Variants in RYR1 observed in about 807,000 individuals in gnomAD.
RYR1 encodes ryanodine receptor 1.
A neutral mutation model predicts 583.5 loss-of-function variants in RYR1; 342 were observed. The ratio of observed to expected loss-of-function variants is 0.59; its 90% CI spans 0.54 to 0.64. The LOEUF (loss-of-function observed/expected upper bound fraction) is 0.64. Ranked by LOEUF, RYR1 falls within the 30% of genes least tolerant of loss-of-function variation. The pLI, the probability that RYR1 is intolerant of heterozygous loss-of-function variation, is 0.00. For missense variants in RYR1, 6,032 were observed against 6,917.2 expected, an observed-to-expected ratio of 0.87 and a Z score of 4.54; for synonymous variants, 2,791 against 2,822.5, an observed-to-expected ratio of 0.99 and a Z score of 0.35.
At position 38,565,734 on chromosome 19, in the gene RYR1, C is replaced by T; in HGVS notation, c.13400C>T (p.Thr4467Ile). The T allele has an allele frequency of 1.4e-6, 2 of 1,428,054 alleles. No homozygotes were observed. The highest frequency in any genetic ancestry group is 3.0e-5 in the Admixed American group (1 of 33,614). 88.5% of individuals were successfully genotyped at this position (1,428,054 alleles called of 1,614,324 possible). Residue 4467 changes from threonine (T) to isoleucine (I), a missense_variant, in exon 91 of 106, where the codon ACA (threonine) becomes ATA (isoleucine). Physicochemically the swap from Thr to Ile is moderately conservative, Grantham distance 89. Transcript: ENST00000359596. The surrounding 1 kb of genome is among the most constrained non-coding windows in gnomAD (Gnocchi z 4.7). Reference protein sequence around the residue: ...MGDTTPAEPPTPEGSPILKRK... With the variant: ...MGDTTPAEPPIPEGSPILKRK... ...GACACGACGCCTGCGGAACCGCCCA[C>T]ACCCGAGGGCTCTCCCATCCTCAAG...
rs776037473 is a variant in RYR1 at position 38,502,609 on chromosome 19, G to C, written c.7717G>C (p.Glu2573Gln). ...TKCAPLFAGTEHRAIMVDSML... is the reference protein window; with the variant it reads ...TKCAPLFAGTQHRAIMVDSML... The stretch of plus-strand genomic sequence containing the variant: ...GTGTGCGCCGCTCTTTGCGGGCACA[G>C]AACACCGCGCCATCATGGTGGACTC... Residue 2573 changes from glutamate to glutamine, a missense_variant, in exon 48 of 106, where the codon GAA (glutamate) becomes CAA (glutamine). Transcript: ENST00000359596. The C allele has an allele frequency of 6.2e-7, 1 of 1,612,976 alleles. No individual in the cohort carries two copies. Among genetic ancestry groups the C allele is most frequent in the Non-Finnish European group, 8.5e-7 (1 of 1,179,924 alleles).
chr19:38,528,161 T>C (rs1971561014), intron 73 of RYR1, 145 bp from the exon 74 acceptor site: 2 of 743,198 alleles, frequency 2.7e-6, no homozygotes. Flanking sequence ...GGACCCTGAC[T>C]CTGTTGGTGG....
At chr19:38,503,512 C>A (rs1257080964) in intron 49 of RYR1, among the ~76,000 whole-genome samples, 1 of 152,180 alleles carries the variant, frequency 6.6e-6, no homozygotes, top group Non-Finnish European at 1.5e-5. Context: ...GTGGCTCACG[C>A]CTGTAATCCC....
intron 76 of RYR1, 115 bp downstream of exon 76, chr19:38,529,172 C>G: frequency 1.0e-6 from 1 of 998,384 alleles, no homozygotes; most frequent in African/African-American, 1.6e-5. Flanking sequence ...GAGCCCAAGA[C>G]AGACGGATCT....
At chr19:38,489,881 C>T (rs1202475580) in intron 35 of RYR1, among the ~76,000 whole-genome samples, 195 bp from the exon 36 acceptor site, 6 of 152,166 alleles carry the variant, frequency 3.9e-5, no homozygotes, top group African/African-American at 7.2e-5. Context: ...CCACCCACCT[C>T]GGCCTCCCAA....
intron 31 of RYR1, among the ~76,000 whole-genome samples, chr19:38,479,790 A>G (rs1391423683): frequency 1.3e-5 from 2 of 151,900 alleles, no homozygotes; most frequent in African/African-American, 2.4e-5. Context: ...ATCACAGCTC[A>G]CTGCAGCCAC....
intron 58 of RYR1, among the ~76,000 whole-genome samples, chr19:38,509,447 ATTATTTTT>A (rs1424771928): frequency 8.3e-6 from 1 of 120,968 alleles, no homozygotes; most frequent in Admixed American, 8.4e-5. Context: ...TATTATTATT[ATTATTTTT>A]TTTTTTTTTT....
Position 38,473,391 on chromosome 19 carries a change from C to T in RYR1, c.3780C>T (p.Asp1260=), listed in dbSNP as rs746617954. ...EHPHYEVSRV[D]GTVDTPPCLR... ...TGCCACCTCAGGTATCCCGAGTGGA[C>T]GGCACTGTGGACACGCCCCCCTGCC... The change falls in exon 28 of 106, where the codon GAC becomes GAT. Residue 1260 remains aspartate (D), a synonymous_variant. Transcript: ENST00000359596. 6.2e-6 allele frequency: 10 copies of T among 1,613,788 alleles called. No homozygotes were observed. Among genetic ancestry groups the T allele is most frequent in the East Asian group, 2.2e-5 (1 of 44,870 alleles).
At chr19:38,520,693 C>CAAAAAAAAAAAAAA (rs71165555) in intron 67 of RYR1, among the ~76,000 whole-genome samples, 18 of 46,898 alleles carry the variant, frequency 3.8e-4, no homozygotes, top group African/African-American at 7.7e-4. Flanking sequence ...GGCTCCACCT[C>CAAAAAAAAAAAAAA]AAAAAAAAAA....
intron 64 of RYR1, among the ~76,000 whole-genome samples, 189 bp from the exon 65 acceptor site, chr19:38,515,898 G>T (rs1970945285): frequency 6.6e-6 from 1 of 152,176 alleles, no homozygotes; most frequent in Non-Finnish European, 1.5e-5. Flanking sequence ...CCAAGATCAG[G>T]CCACTGCACT....
At chr19:38,508,861 A>G (rs1042173396) in intron 58 of RYR1, among the ~76,000 whole-genome samples, 1 of 152,144 alleles carries the variant, frequency 6.6e-6, no homozygotes, top group Admixed American at 6.5e-5. Context: ...GACGTGATCC[A>G]TAATTCTGGT....
intron 89 of RYR1, among the ~76,000 whole-genome samples, 199 bp from the exon 90 acceptor site, chr19:38,560,914 T>A (rs1340101141): frequency 6.6e-6 from 1 of 150,842 alleles, no homozygotes; most frequent in Non-Finnish European, 1.5e-5. Context: ...TAGTCCCAGC[T>A]GCTCTGGATG....
At chr19:38,549,875 TTGTGTGTG>T (rs150566334) in intron 89 of RYR1, among the ~76,000 whole-genome samples, 13,704 of 122,126 alleles carry the variant, frequency 0.11, 893 homozygotes, top group Non-Finnish European at 0.14. Flanking sequence ...CCAGCTAAAT[TTGTGTGTG>T]TGTGTGTGTG....
chr19:38,527,936 A>C, intron 73 of RYR1, 152 bp downstream of exon 73: 1 of 683,346 alleles, frequency 1.5e-6, no homozygotes, highest in East Asian at 4.3e-5. Context: ...GAGGCTTAGA[A>C]TGGATCGGGG....
intron 84 of RYR1, chr19:38,538,781 A>G (rs911063871): frequency 6.6e-6 from 1 of 152,208 alleles, no homozygotes; most frequent in Non-Finnish European, 1.5e-5. Flanking sequence ...GGTTCAGCCA[A>G]TTTAACAAGA....
rs1429521079 is a variant in RYR1, at chr19:38,585,034, A to G, written c.14738A>G (p.Tyr4913Cys). The G allele has an allele frequency of 1.2e-6, 2 of 1,613,978 alleles. No homozygotes were observed. Among genetic ancestry groups the G allele is most frequent in the South Asian group, 2.2e-5 (2 of 91,092 alleles). Residue 4913 changes from tyrosine (Y) to cysteine (C), a missense_variant, in exon 102 of 106, where the codon TAC becomes TGC. By Grantham distance (194) the Tyr-to-Cys change is radical. Around this residue, in one of 11 missense-constraint regions of RYR1, gnomAD observed 189 missense variants for 350.3 expected, o/e 0.54. Transcript: ENST00000359596. ...CCCGCGGGTGACGAATACGAGCTCT[A>G]CAGGGTGGTCTTCGACATCACCTTC... Reference protein sequence around the residue: ...EDPAGDEYELYRVVFDITFFF... With the variant: ...EDPAGDEYELCRVVFDITFFF...
chr19:38,587,450 C>T lies in RYR1; in HGVS notation c.*30C>T. The T allele has an allele frequency of 6.5e-7, 1 of 1,530,824 alleles. No individual in the cohort carries two copies. The highest frequency in any genetic ancestry group is 9.1e-7 in the Non-Finnish European group (1 of 1,104,502). 94.8% of individuals were successfully genotyped at this position (1,530,824 alleles called of 1,614,324 possible). A position where few individuals can be genotyped will look rare whatever the true frequency, so the allele number is the denominator to read the frequency against. The stretch of plus-strand genomic sequence containing the variant: ...CCCCCAGCTGGCCCTCCACCCCCAC[C>T]TCAAGTGCCTTATTCTCACAGCAAG... On this transcript the variant is annotated 3_prime_UTR_variant, in exon 106 of 106. Coordinates refer to ENST00000359596, the MANE Select transcript of RYR1 (RefSeq NM_000540.3).
chr19:38,514,313 G>C (rs1254376687), intron 63 of RYR1, among the ~76,000 whole-genome samples: 4 of 149,746 alleles, frequency 2.7e-5, no homozygotes, highest in African/African-American at 9.9e-5. Flanking sequence ...CAGAGTCTCG[G>C]TCTGTCACCC....
In RYR1 at chr19:38,500,905, A is replaced by G. The variant is rs750809993; in HGVS notation, c.7529A>G (p.Tyr2510Cys). ...ASMVLFLDRV[Y>C]GIENQDFLLH... ...ATGGTGCTCTTCCTGGACCGTGTGT[A>G]TGGCATCGAGAACCAGGACTTCTTG... The change falls in exon 47 of 106, where the codon TAT (tyrosine) becomes TGT (cysteine). Residue 2510 changes from tyrosine to cysteine, a missense_variant. Tyr to Cys is a radical substitution (Grantham distance 194, BLOSUM62 -2). Coordinates refer to ENST00000359596, the MANE Select transcript of RYR1 (RefSeq NM_000540.3). The surrounding 1 kb of genome is among the most constrained non-coding windows in gnomAD (Gnocchi z 5.9). The G allele has an allele frequency of 6.2e-7, 1 of 1,609,990 alleles. No homozygotes were observed. The highest frequency in any genetic ancestry group is 2.2e-5 in the East Asian group (1 of 44,572).
Sources: gnomAD v4.1 joint callset for allele counts (sites outside exome capture counted in the v4.1 genomes callset) on GRCh38, gnomAD v4.1.1 for gene constraint, gnomAD v4.1.1 regional missense constraint, Gnocchi (gnomAD v3.1) non-coding constraint, MANE v1.5 for transcripts, NCBI Gene and HGNC (gene_info 2026-07-23, HGNC 2026-07-21) for gene names.